Variants in ATP1A1 observed in about 807,000 individuals in gnomAD.
ATP1A1 encodes the protein sodium/potassium-transporting ATPase subunit alpha-1.
In ATP1A1, 14 loss-of-function variants were observed where a neutral mutation model predicts 114.8. The ratio of observed to expected loss-of-function variants is 0.12; its 90% CI spans 0.08 to 0.19. The LOEUF is 0.19. Ranked by LOEUF, ATP1A1 falls within the 10% of genes least tolerant of loss-of-function variation. ATP1A1 has a pLI of 1.00. For synonymous variants in ATP1A1, 471 were observed against 466.3 expected (o/e 1.01, Z -0.13); for missense variants, 524 against 1,290.7 (o/e 0.41, Z 9.10).
Position 116,387,599 on chromosome 1 carries a change from C to A in ATP1A1, c.387+108C>A. ...CCACTCATTACTTAATGGTTATGAACTCATTACTTAATGGTTATGAACAGC... is the reference window on the plus strand; with the variant it reads ...CCACTCATTACTTAATGGTTATGAAATCATTACTTAATGGTTATGAACAGC... On this transcript the variant is annotated intron_variant, in intron 4 of 22. Coordinates refer to ENST00000295598, the MANE Select transcript of ATP1A1 (RefSeq NM_000701.8). This position sits in a 1 kb window ranked among gnomAD's most constrained non-coding sequence, Gnocchi z 6.7. The A allele has an allele frequency of 8.2e-7, 1 of 1,214,118 alleles. No homozygotes were observed. The highest frequency in any genetic ancestry group is 1.2e-6 in the Non-Finnish European group (1 of 864,176). The allele number at this position is 1,214,118 out of a possible 1,614,324, so 75.2% of individuals were successfully genotyped here.
chr1:116,374,087 G>A (rs1001826601), intron 1 of ATP1A1: 8 of 1,433,360 alleles, frequency 5.6e-6, no homozygotes, highest in Middle Eastern at 5.2e-4. Flanking sequence ...CGGGTTCGGG[G>A]CTCCTTCTCC....
intron 10 of ATP1A1, among the ~76,000 whole-genome samples, chr1:116,391,563 A>AT (rs1313977330): frequency 1.3e-5 from 2 of 152,202 alleles, no homozygotes; most frequent in Non-Finnish European, 2.9e-5. Flanking sequence ...TGGGTCCCAC[A>AT]TTCTCTGTGA....
chr1:116,391,723 ATGT>A (rs1335499473), intron 10 of ATP1A1, among the ~76,000 whole-genome samples: 1 of 152,158 alleles, frequency 6.6e-6, no homozygotes, highest in Non-Finnish European at 1.5e-5. Context: ...TTTGAGGATA[ATGT>A]TGTGTATCTT....
rs1365450393 is a variant in ATP1A1 at position 116,401,053 on chromosome 1, C to T, written c.2718+47C>T. The stretch of plus-strand genomic sequence containing the variant: ...GACCAGTGTCAGAGCTCCTCAAGCC[C>T]CAGAAGACTGAGGCCACACTGCCAC... On this transcript the variant is annotated intron_variant, in intron 19 of 22. Transcript: ENST00000295598. This position sits in a 1 kb window ranked among gnomAD's most constrained non-coding sequence, Gnocchi z 4.7. 1 of 1,612,532 alleles carries T rather than the reference C, an allele frequency of 6.2e-7. No individual in the cohort carries two copies. The highest frequency in any genetic ancestry group is 2.2e-5 in the East Asian group (1 of 44,838).
intron 1 of ATP1A1, among the ~76,000 whole-genome samples, chr1:116,377,766 A>G (rs565596263): frequency 6.6e-6 from 1 of 152,386 alleles, no homozygotes; most frequent in East Asian, 1.9e-4. Flanking sequence ...GTGTCAGATC[A>G]GATGGGCTCA....
rs1201675914 is a variant in ATP1A1, at chr1:116,399,503, T to A, written c.2532T>A (p.Leu844=). The change falls in exon 18 of 23, where the codon CTT becomes CTA. Residue 844 remains leucine, a synonymous_variant. Coordinates refer to ENST00000295598, the MANE Select transcript of ATP1A1 (RefSeq NM_000701.8). The surrounding 1 kb of genome is among the most constrained non-coding windows in gnomAD (Gnocchi z 5.0). The part of the protein sequence containing the change: ...RQPRNPKTDK[L]VNERLISMAY... ...CCAGAAATCCCAAAACAGACAAACT[T>A]GTGAATGAGCGGCTGATCAGCATGG... 6.2e-7 allele frequency: 1 copy of A among 1,613,928 alleles called. No individual in the cohort carries two copies. The highest frequency in any genetic ancestry group is 1.1e-5 in the South Asian group (1 of 91,066).
intron 21 of ATP1A1, among the ~76,000 whole-genome samples, chr1:116,402,450 T>G (rs1653568722): frequency 6.6e-6 from 1 of 152,160 alleles, no homozygotes; most frequent in African/African-American, 2.4e-5. Flanking sequence ...GTCTGGACCA[T>G]CTCTCAATCC....
intron 21 of ATP1A1, among the ~76,000 whole-genome samples, chr1:116,402,785 C>A (rs1384981254): frequency 6.6e-6 from 1 of 152,216 alleles, no homozygotes; most frequent in African/African-American, 2.4e-5. Context: ...GGAGCTTGTC[C>A]CTCCAGGGCC....
In ATP1A1 at chr1:116,393,499, T is replaced by C. The variant is rs759865265; in HGVS notation, c.1468-32T>C. 6 of 1,587,458 alleles carry C rather than the reference T, an allele frequency of 3.8e-6. No homozygotes were observed. The East Asian group carries it at 1.4e-4, about 36-fold the overall frequency. ...CCATGGACTGCCACACATCCAACCA[T>C]CCAATGTTTATGTCTCAACAATCCT... On this transcript the variant is annotated intron_variant, in intron 11 of 22. Coordinates refer to ENST00000295598, the MANE Select transcript of ATP1A1 (RefSeq NM_000701.8). This position sits in a 1 kb window ranked among gnomAD's most constrained non-coding sequence, Gnocchi z 5.0.
intron 21 of ATP1A1, 136 bp from the exon 22 acceptor site, chr1:116,403,748 C>G (rs1402485372): frequency 1.4e-6 from 1 of 714,664 alleles, no homozygotes. Context: ...GTTAATGACT[C>G]AGTAGTTAAC....
chr1:116,394,632 T>C (rs1652756647), intron 12 of ATP1A1, among the ~76,000 whole-genome samples: 3 of 152,142 alleles, frequency 2.0e-5, no homozygotes, highest in Admixed American at 6.6e-5. Context: ...TCTGTACTTA[T>C]CCTCAAAAGT....
At chr1:116,396,394 A>C (rs1652934162) in intron 13 of ATP1A1, among the ~76,000 whole-genome samples, 1 of 151,028 alleles carries the variant, frequency 6.6e-6, no homozygotes, top group Non-Finnish European at 1.5e-5. Flanking sequence ...ATAAAACCTG[A>C]GTATTGCCTT....
Position 116,387,515 on chromosome 1 carries a change from G to A in ATP1A1, c.387+24G>A. On this transcript the variant is annotated intron_variant, in intron 4 of 22. Transcript: ENST00000295598. The surrounding 1 kb of genome is among the most constrained non-coding windows in gnomAD (Gnocchi z 6.7). ...ATGTGAGTTCTGTAATTCAGCATATGGATTTGTAGTACACATCAGATATCT... is the reference window on the plus strand; with the variant it reads ...ATGTGAGTTCTGTAATTCAGCATATAGATTTGTAGTACACATCAGATATCT... 1 of 1,611,516 alleles carries A rather than the reference G, an allele frequency of 6.2e-7. No individual in the cohort carries two copies. The highest frequency in any genetic ancestry group is 8.5e-7 in the Non-Finnish European group (1 of 1,177,802).
chr1:116,387,483 A>G lies in ATP1A1; in HGVS notation c.379A>G (p.Asn127Asp), dbSNP rs1652177009. ...AGCTGCTACAGAAGAGGAACCTCAA[A>G]ACGATAATGTGAGTTCTGTAATTCA... Reference protein sequence around the residue: ...IQAATEEEPQNDNLYLGVVLS... With the variant: ...IQAATEEEPQDDNLYLGVVLS... Residue 127 changes from asparagine to aspartate, a missense_variant, in exon 4 of 23, where the codon AAC becomes GAC. This residue lies in a region of ATP1A1 where 141 missense variants were observed against 316.6 expected (regional missense o/e 0.45). Coordinates refer to ENST00000295598, the MANE Select transcript of ATP1A1 (RefSeq NM_000701.8). This position sits in a 1 kb window ranked among gnomAD's most constrained non-coding sequence, Gnocchi z 6.7. 6.2e-7 allele frequency: 1 copy of G among 1,614,246 alleles called. No individual in the cohort carries two copies. Among genetic ancestry groups the G allele is most frequent in the Non-Finnish European group, 8.5e-7 (1 of 1,180,032 alleles).
rs1653499222 is a variant in ATP1A1, at chr1:116,401,786, A to G, written c.2951+131A>G. 1.2e-6 allele frequency: 1 copy of G among 846,174 alleles called. No homozygotes were observed. The highest frequency in any genetic ancestry group is 1.7e-5 in the African/African-American group (1 of 59,030). The allele number at this position is 846,174 out of a possible 1,614,324, so 52.4% of individuals were successfully genotyped here. A position where few individuals can be genotyped will look rare whatever the true frequency, so the allele number is the denominator to read the frequency against. ...GTACAAAAATTCCTATGGGTTGGAA[A>G]ACTGTGAAAGCTTGACATGTCAGTA... On this transcript the variant is annotated intron_variant, in intron 21 of 22. Coordinates refer to ENST00000295598, the MANE Select transcript of ATP1A1 (RefSeq NM_000701.8). This position sits in a 1 kb window ranked among gnomAD's most constrained non-coding sequence, Gnocchi z 4.7.
Position 116,393,715 on chromosome 1 carries a change from G to T in ATP1A1, c.1652G>T (p.Arg551Leu). 6.2e-7 allele frequency: 1 copy of T among 1,612,844 alleles called. No homozygotes were observed. Among genetic ancestry groups the T allele is most frequent in the Non-Finnish European group, 8.5e-7 (1 of 1,179,870 alleles). ...AYLELGGLGERVLGFCHLFLP... is the reference protein window; with the variant it reads ...AYLELGGLGELVLGFCHLFLP... ...TTGGAGCTGGGGGGCCTCGGAGAAC[G>T]AGTCCTAGGTATGCAGATAACCTGG... Residue 551 changes from arginine to leucine, a missense_variant, in exon 12 of 23, where the codon CGA becomes CTA. Physicochemically the swap from Arg to Leu is moderately radical, Grantham distance 102. Transcript: ENST00000295598. The surrounding 1 kb of genome is among the most constrained non-coding windows in gnomAD (Gnocchi z 5.0).
Position 116,381,196 on chromosome 1 carries a change from C to T in ATP1A1, c.13-2818C>T, listed in dbSNP as rs768010187. Among the ~76,000 whole-genome samples, 3 of 152,102 alleles carry T rather than the reference C, an allele frequency of 2.0e-5. No individual in the cohort carries two copies. The highest frequency in any genetic ancestry group is 2.1e-4 in the South Asian group (1 of 4,826). On this transcript the variant is annotated intron_variant, in intron 1 of 22. Transcript: ENST00000295598. The surrounding 1 kb of genome is among the most constrained non-coding windows in gnomAD (Gnocchi z 5.1). ...TTACTGTAGTTGATTGAGGAAATGC[C>T]GTATTTATCATTCACCCTTCCCATG...
In ATP1A1 at chr1:116,385,849, G is replaced by GGGT. The variant is rs1557783140; in HGVS notation, c.183+1009_183+1011dup. ...GGGGTGTAAGAGTAGAGAAGAGGCC[G>GGGT]GGTGCGGTGGCTCATGCCTGTAATC... On this transcript the variant is annotated intron_variant, in intron 3 of 22. Coordinates refer to ENST00000295598, the MANE Select transcript of ATP1A1 (RefSeq NM_000701.8). This position sits in a 1 kb window ranked among gnomAD's most constrained non-coding sequence, Gnocchi z 4.3. 2 of 152,158 alleles carry GGGT rather than the reference G, an allele frequency of 1.3e-5. No individual in the cohort carries two copies. The highest frequency in any genetic ancestry group is 4.8e-5 in the African/African-American group (2 of 41,392). The allele number at this position is 152,158 out of a possible 1,614,324, so 9.4% of individuals were successfully genotyped here. A position where few individuals can be genotyped will look rare whatever the true frequency, so the allele number is the denominator to read the frequency against.
chr1:116,374,234 C>T (rs907870037), intron 1 of ATP1A1: 9 of 1,551,646 alleles, frequency 5.8e-6, no homozygotes, highest in Admixed American at 2.0e-5. Flanking sequence ...CCTAAGATGG[C>T]CTTTAAGGTA....
Sources: allele counts gnomAD v4.1 joint callset (sites outside exome capture counted in the v4.1 genomes callset), GRCh38; gene constraint gnomAD v4.1.1; regional missense constraint gnomAD v4.1.1; non-coding constraint Gnocchi (gnomAD v3.1); transcripts MANE v1.5; gene names NCBI Gene and HGNC (gene_info 2026-07-23, HGNC 2026-07-21).